Variants in KLF12 observed in about 807,000 individuals in gnomAD.
KLF12 encodes KLF transcription factor 12.
KLF12 carries 9 observed loss-of-function variants against 37.8 expected under a neutral mutation model. That is an observed-to-expected ratio of 0.24 (90% CI 0.14 to 0.42). KLF12 has a LOEUF of 0.42. Ranked by LOEUF, KLF12 falls within the 10% of genes least tolerant of loss-of-function variation. KLF12 has a pLI of 1.00. For synonymous variants in KLF12, 208 were observed against 202.1 expected, an observed-to-expected ratio of 1.03 and a Z score of -0.25; for missense variants, 411 against 516.0, an observed-to-expected ratio of 0.80 and a Z score of 1.97.
At chr13:74,089,192 T>G (rs1450081009) in intron 1 of KLF12, among the ~76,000 whole-genome samples, 2 of 152,114 alleles carry the variant, frequency 1.3e-5, no homozygotes, top group Non-Finnish European at 1.5e-5. Context: ...TATAAACACA[T>G]GCACACAGAG....
At chr13:73,850,441 CAGTT>C (rs2138719679) in intron 3 of KLF12, among the ~76,000 whole-genome samples, 1 of 152,314 alleles carries the variant, frequency 6.6e-6, no homozygotes, top group Admixed American at 6.5e-5. Flanking sequence ...GTGTTTCCTA[CAGTT>C]ATCTATTGCT....
chr13:74,301,466 A>T, the KLF12 span, among the ~76,000 whole-genome samples: 1 of 152,168 alleles, frequency 6.6e-6, no homozygotes, highest in South Asian at 2.1e-4. Flanking sequence ...CATGGAGATT[A>T]AATGTGATTT....
chr13:73,703,368 G>C (rs184503945), intron 7 of KLF12, among the ~76,000 whole-genome samples: 2 of 152,006 alleles, frequency 1.3e-5, no homozygotes, highest in Non-Finnish European at 2.9e-5. Context: ...ATCCTGATGC[G>C]ATTTTCTTAA....
the KLF12 span, among the ~76,000 whole-genome samples, chr13:74,228,510 T>C: frequency 6.6e-6 from 1 of 152,044 alleles, no homozygotes; most frequent in East Asian, 1.9e-4. Flanking sequence ...ACTTTGTGAG[T>C]AAGGAAATAT....
intron 1 of KLF12, among the ~76,000 whole-genome samples, chr13:74,055,590 T>C (rs1206433464): frequency 6.6e-6 from 1 of 152,150 alleles, no homozygotes; most frequent in Non-Finnish European, 1.5e-5. Context: ...CCACAGTGTT[T>C]TTACAAAGCT....
the KLF12 span, among the ~76,000 whole-genome samples, chr13:74,203,410 G>A: frequency 1.3e-4 from 20 of 152,000 alleles, no homozygotes; most frequent in African/African-American, 4.6e-4. Context: ...CATCAGATTT[G>A]TAAATTAATT....
At chr13:73,994,885 G>A (rs1477279036) in intron 2 of KLF12, 105 bp downstream of exon 2, 27 of 789,320 alleles carry the variant, frequency 3.4e-5, no homozygotes, top group Non-Finnish European at 6.1e-5. Context: ...ACTGACCTCT[G>A]TCTCGTATTC....
chr13:73,871,616 G>A (rs1389429180), intron 3 of KLF12, among the ~76,000 whole-genome samples: 1 of 151,874 alleles, frequency 6.6e-6, no homozygotes, highest in African/African-American at 2.4e-5. Flanking sequence ...TGACACCTCT[G>A]GGCCCTTCAC....
the KLF12 span, among the ~76,000 whole-genome samples, chr13:74,167,275 G>A: frequency 6.6e-5 from 10 of 152,326 alleles, no homozygotes; most frequent in South Asian, 4.1e-4. Context: ...AGAGGAAAGC[G>A]TTGGAACATC....
chr13:73,851,128 T>C (rs1304894384), intron 3 of KLF12, among the ~76,000 whole-genome samples: 1 of 152,226 alleles, frequency 6.6e-6, no homozygotes, highest in Non-Finnish European at 1.5e-5. Flanking sequence ...AAGTGCTTTT[T>C]AAGTAATACT....
chr13:73,965,553 T>A (rs1489233461), intron 2 of KLF12, among the ~76,000 whole-genome samples: 2 of 152,142 alleles, frequency 1.3e-5, no homozygotes, highest in Admixed American at 6.5e-5. Context: ...TGCGCTTGTA[T>A]CTACATGGCT....
At chr13:74,212,714 T>C in the KLF12 span, among the ~76,000 whole-genome samples, 2 of 152,036 alleles carry the variant, frequency 1.3e-5, no homozygotes, top group African/African-American at 4.8e-5. Context: ...AAAACTGAAA[T>C]AGAAGTGGAA....
the KLF12 span, among the ~76,000 whole-genome samples, chr13:74,163,807 G>T: frequency 6.7e-6 from 1 of 150,102 alleles, no homozygotes; most frequent in South Asian, 2.1e-4. Flanking sequence ...ATTTCACATT[G>T]CATGTCTGTA....
intron 1 of KLF12, among the ~76,000 whole-genome samples, chr13:74,094,762 G>C (rs1875883857): frequency 1.3e-5 from 2 of 151,952 alleles, no homozygotes; most frequent in African/African-American, 4.8e-5. Context: ...ACCACGCCCA[G>C]CTAATTTTTG....
intron 3 of KLF12, among the ~76,000 whole-genome samples, chr13:73,849,685 G>GTTTT (rs1885227087): frequency 6.6e-6 from 1 of 152,158 alleles, no homozygotes; most frequent in Non-Finnish European, 1.5e-5. Flanking sequence ...ACAAGGAAGA[G>GTTTT]ACACTTCTGC....
intron 6 of KLF12, among the ~76,000 whole-genome samples, chr13:73,735,614 C>T (rs1877394282): frequency 6.6e-6 from 1 of 152,036 alleles, no homozygotes. Flanking sequence ...GAGTGAGCAG[C>T]ATTTGGTCAA....
chr13:74,248,335 C>A, the KLF12 span, among the ~76,000 whole-genome samples: 1 of 152,172 alleles, frequency 6.6e-6, no homozygotes, highest in African/African-American at 2.4e-5. Flanking sequence ...TCTGCTGATG[C>A]TTGGATGCAT....
At chr13:73,839,630 T>C (rs1884637843) in intron 4 of KLF12, among the ~76,000 whole-genome samples, 1 of 152,206 alleles carries the variant, frequency 6.6e-6, no homozygotes, top group Non-Finnish European at 1.5e-5. Flanking sequence ...TTTTACTTGT[T>C]TGCTAATAAT....
chr13:74,163,906 GAAA>G, the KLF12 span, among the ~76,000 whole-genome samples: 6 of 31,142 alleles, frequency 1.9e-4, no homozygotes, highest in Admixed American at 3.1e-3. Flanking sequence ...TAAAAAAAAA[GAAA>G]TAGTGACAGA....
Sources: allele counts gnomAD v4.1 joint callset (sites outside exome capture counted in the v4.1 genomes callset), GRCh38; gene constraint gnomAD v4.1.1; transcripts MANE v1.5; gene names NCBI Gene and HGNC (gene_info 2026-07-23, HGNC 2026-07-21).